TTC28: variants seen among roughly 807,000 people sequenced by gnomAD.
TTC28 encodes the protein tetratricopeptide repeat protein 28.
Under a neutral mutation model 198.0 loss-of-function variants are expected in TTC28, and 61 were observed. The ratio of observed to expected loss-of-function variants is 0.31; its 90% confidence interval spans 0.25 to 0.38. The LOEUF is 0.38. Ranked by LOEUF, TTC28 falls within the 10% of genes least tolerant of loss-of-function variation. The pLI, the probability that TTC28 is intolerant of heterozygous loss-of-function variation, is 1.00. For synonymous variants in TTC28, 1,171 were observed against 1,297.8 expected, an observed-to-expected ratio of 0.90 and a Z score of 2.10; for missense variants, 2,678 against 3,164.0, an observed-to-expected ratio of 0.85 and a Z score of 3.69.
intron 6 of TTC28, among the ~76,000 whole-genome samples, chr22:28,142,947 T>C (rs1349058267): frequency 6.6e-6 from 1 of 152,224 alleles, no homozygotes; most frequent in East Asian, 1.9e-4. Flanking sequence ...AAGCCATCTG[T>C]ACATTTTTCA....
intron 12 of TTC28, among the ~76,000 whole-genome samples, chr22:28,035,875 C>T (rs764872130): frequency 6.6e-6 from 1 of 152,100 alleles, no homozygotes; most frequent in Non-Finnish European, 1.5e-5. Flanking sequence ...CAACAAAGAT[C>T]AAAAGAGACA....
chr22:28,059,430 C>T (rs73880382), intron 12 of TTC28, among the ~76,000 whole-genome samples: 11,720 of 151,984 alleles, frequency 0.077, 477 homozygotes, highest in South Asian at 0.089. Context: ...ATTTTAACTT[C>T]TATCAAAATG....
intron 2 of TTC28, among the ~76,000 whole-genome samples, chr22:28,543,019 T>C (rs565301191): frequency 6.6e-6 from 1 of 152,236 alleles, no homozygotes; most frequent in South Asian, 2.1e-4. Context: ...TAGCCAAAAA[T>C]ATTTTTTAAA....
chr22:28,298,584 G>C (rs908677058), intron 3 of TTC28, among the ~76,000 whole-genome samples: 1 of 152,010 alleles, frequency 6.6e-6, no homozygotes. Flanking sequence ...AAGTAGCTAG[G>C]ACCACAGGCA....
At chr22:28,525,676 C>T (rs2048992151) in intron 2 of TTC28, among the ~76,000 whole-genome samples, 1 of 152,096 alleles carries the variant, frequency 6.6e-6, no homozygotes, top group Admixed American at 6.6e-5. Flanking sequence ...ATAAGTACTA[C>T]AAAATGGAGT....
intron 12 of TTC28, among the ~76,000 whole-genome samples, chr22:28,089,561 G>A (rs1941743218): frequency 6.6e-6 from 1 of 151,504 alleles, no homozygotes; most frequent in Non-Finnish European, 1.5e-5. Flanking sequence ...TATACCTAAT[G>A]CTTAATGACG....
At chr22:28,127,047 ATAAAT>A (rs1942934247) in intron 6 of TTC28, among the ~76,000 whole-genome samples, 1 of 152,208 alleles carries the variant, frequency 6.6e-6, no homozygotes, top group Non-Finnish European at 1.5e-5. Flanking sequence ...AAATATCTTA[ATAAAT>A]TAAAGCAAAA....
chr22:28,677,172 AAAAATAT>A (rs1311443985), intron 1 of TTC28, among the ~76,000 whole-genome samples: 28 of 18,046 alleles, frequency 1.6e-3, no homozygotes, highest in East Asian at 0.011. Flanking sequence ...AAAAAAAAAA[AAAAATAT>A]ATATATATAT....
At chr22:28,321,818 C>T (rs1432218445) in intron 2 of TTC28, among the ~76,000 whole-genome samples, 1 of 152,032 alleles carries the variant, frequency 6.6e-6, no homozygotes, top group Non-Finnish European at 1.5e-5. Flanking sequence ...ATAGGTATCA[C>T]GTTTGGGCCT....
At chr22:28,411,373 C>T (rs1160076147) in intron 2 of TTC28, among the ~76,000 whole-genome samples, 1 of 152,166 alleles carries the variant, frequency 6.6e-6, no homozygotes, top group East Asian at 1.9e-4. Context: ...ATGTTTATCA[C>T]ATCTAGAGAT....
intron 2 of TTC28, among the ~76,000 whole-genome samples, chr22:28,617,864 G>C (rs1357127091): frequency 6.6e-6 from 1 of 152,124 alleles, no homozygotes; most frequent in African/African-American, 2.4e-5. Context: ...GACTGTCCTA[G>C]ATATTCTAAT....
chr22:28,539,418 G>A (rs866664827), intron 2 of TTC28, among the ~76,000 whole-genome samples: 2 of 151,994 alleles, frequency 1.3e-5, no homozygotes, highest in African/African-American at 4.8e-5. Context: ...GTGGATCGCT[G>A]GAGCCCAGGG....
intron 2 of TTC28, among the ~76,000 whole-genome samples, chr22:28,513,952 T>A (rs779666135): frequency 6.6e-6 from 1 of 152,090 alleles, no homozygotes; most frequent in Non-Finnish European, 1.5e-5. Context: ...TTACTTAAAA[T>A]CATACTGTTA....
At chr22:28,645,881 C>T (rs1044221604) in intron 1 of TTC28, among the ~76,000 whole-genome samples, 8 of 152,172 alleles carry the variant, frequency 5.3e-5, no homozygotes, top group African/African-American at 1.2e-4. Flanking sequence ...CGTGCCTCAG[C>T]GTCCCACGTA....
At chr22:28,243,889 T>C (rs182009627) in intron 5 of TTC28, among the ~76,000 whole-genome samples, 12 of 152,290 alleles carry the variant, frequency 7.9e-5, no homozygotes, top group Middle Eastern at 3.4e-3. Context: ...TACTGAACAC[T>C]TACTATGTGG....
At chr22:28,024,568 A>G (rs1938746238) in intron 13 of TTC28, among the ~76,000 whole-genome samples, 1 of 152,224 alleles carries the variant, frequency 6.6e-6, no homozygotes, top group Admixed American at 6.5e-5. Context: ...GAGGGGGGAC[A>G]GCGATGACCA....
rs567446130 is a variant in TTC28, at chr22:28,532,115, G to A, written c.381+97437C>T. 2.0e-5 allele frequency among the ~76,000 whole-genome samples: 3 copies of A among 151,760 alleles called. No individual in the cohort carries two copies. In the South Asian group the frequency reaches 6.2e-4, roughly 32 times the overall value. The stretch of plus-strand genomic sequence containing the variant: ...AAAACCCTTCAAAAAATCAAATGGA[G>A]GAGGTGGTTTTCTGAAAAGATCAAC... On this transcript the variant is annotated intron_variant, in intron 2 of 22. Transcript: ENST00000397906.
chr22:28,547,045 T>C (rs896345316), intron 2 of TTC28, among the ~76,000 whole-genome samples: 1 of 152,234 alleles, frequency 6.6e-6, no homozygotes, highest in Non-Finnish European at 1.5e-5. Context: ...ATATCTTGAC[T>C]GCACAGTCAA....
At chr22:28,178,988 G>T (rs558424071) in intron 5 of TTC28, among the ~76,000 whole-genome samples, 8 of 152,250 alleles carry the variant, frequency 5.3e-5, no homozygotes, top group African/African-American at 1.7e-4. Flanking sequence ...ACCACAAAAG[G>T]TTTAAGTGGG....
Sources: allele counts gnomAD v4.1 joint callset (sites outside exome capture counted in the v4.1 genomes callset), GRCh38; gene constraint gnomAD v4.1.1; transcripts MANE v1.5; gene names NCBI Gene and HGNC (gene_info 2026-07-23, HGNC 2026-07-21).